COL7A1: variants seen among roughly 807,000 people sequenced by gnomAD.
COL7A1 encodes the protein collagen type VII alpha 1 chain, also known as collagen alpha-1(VII) chain.
COL7A1 carries 296 observed loss-of-function variants against 456.2 expected under a neutral mutation model. The observed-to-expected ratio is 0.65, with a 90% CI of 0.59 to 0.71. The LOEUF (loss-of-function observed/expected upper bound fraction) is 0.71. Among genes scored for constraint, COL7A1 ranks in the 30% least tolerant of loss-of-function variants. The pLI is 0.00. For missense variants in COL7A1, 3,441 were observed against 4,017.2 expected (o/e 0.86, Z 3.88); for synonymous variants, 1,464 against 1,525.9 (o/e 0.96, Z 0.95).
chr3:48,577,037 G>A lies in COL7A1; in HGVS notation c.5533-10C>T. 1 of 1,613,922 alleles carries A rather than the reference G, an allele frequency of 6.2e-7. No homozygotes were observed. The highest frequency in any genetic ancestry group is 1.3e-5 in the African/African-American group (1 of 75,064). On this transcript the variant is annotated splice_polypyrimidine_tract_variant and intron_variant, in intron 65 of 118. Coordinates refer to ENST00000681320, the MANE Select transcript of COL7A1 (RefSeq NM_000094.4). Reference sequence around the variant, plus strand: ...GGTCCCCAGGTTCTCCCTGTGGGCAGAGGACTCACATCAGCCCAAACATTC... The same window carrying A: ...GGTCCCCAGGTTCTCCCTGTGGGCAAAGGACTCACATCAGCCCAAACATTC...
chr3:48,586,271 TG>T lies in COL7A1; in HGVS notation c.3551-26del, dbSNP rs761128072. On this transcript the variant is annotated intron_variant, in intron 27 of 118. Coordinates refer to ENST00000681320, the MANE Select transcript of COL7A1 (RefSeq NM_000094.4). This position sits in a 1 kb window ranked among gnomAD's most constrained non-coding sequence, Gnocchi z 5.1. ...CCTAAGGTGGGGTCCAGTGGCTGCA[TG>T]ATAGCCTTTTCAGGGCCACCCCTAT... 19 of 1,613,616 alleles carry T rather than the reference TG, an allele frequency of 1.2e-5. No homozygotes were observed. Among genetic ancestry groups the T allele is most frequent in the Non-Finnish European group, 1.3e-5 (15 of 1,180,040 alleles).
chr3:48,592,333 C>G lies in COL7A1; in HGVS notation c.1093+18G>C. The G allele has an allele frequency of 6.2e-7, 1 of 1,613,464 alleles. No individual in the cohort carries two copies. The highest frequency in any genetic ancestry group is 8.5e-7 in the Non-Finnish European group (1 of 1,179,894). ...TCTGAGGCGCGGGGACTCCCCTCAG[C>G]CCACATCTCTCACTCACCACTGAGG... On this transcript the variant is annotated intron_variant, in intron 9 of 118. Coordinates refer to ENST00000681320, the MANE Select transcript of COL7A1 (RefSeq NM_000094.4). This position sits in a 1 kb window ranked among gnomAD's most constrained non-coding sequence, Gnocchi z 7.6.
In COL7A1 at chr3:48,576,428, C is replaced by T. The variant is rs772888814; in HGVS notation, c.5744G>A (p.Arg1915His). ...VPGGTGPKGD[R>H]GETGSKGEQG... is the part of the protein sequence containing the mutation. ...CTCCCCTTTGGATCCAGTCTCCCCA[C>T]GGTCACCCTGAAAACAAGAATGACC... The change falls in exon 70 of 119, where the codon CGT (arginine) becomes CAT (histidine). Residue 1915 changes from arginine (R) to histidine (H), a missense_variant. By Grantham distance (29) the Arg-to-His change is conservative. Coordinates refer to ENST00000681320, the MANE Select transcript of COL7A1 (RefSeq NM_000094.4). 2.2e-5 allele frequency: 35 copies of T among 1,613,650 alleles called. No individual in the cohort carries two copies. The highest frequency in any genetic ancestry group is 8.3e-5 in the Admixed American group (5 of 60,000).
Position 48,586,420 on chromosome 3 carries a change from GC to G in COL7A1, c.3461del (p.Arg1154ProfsTer7). 1 of 1,613,880 alleles carries G rather than the reference GC, an allele frequency of 6.2e-7. No individual in the cohort carries two copies. The highest frequency in any genetic ancestry group is 8.5e-7 in the Non-Finnish European group (1 of 1,180,042). On this transcript the variant is annotated frameshift_variant, in exon 27 of 119. Transcript: ENST00000681320. LOFTEE classifies it high-confidence loss of function. The surrounding 1 kb of genome is among the most constrained non-coding windows in gnomAD (Gnocchi z 5.1). ...GAACCATCACCCCTGGTACGTGCTG[GC>G]GGCGCCCAGGAGCATCTGGTGCCAA... ...YMLAPDAPGR[R>X]QHVPGVMVLL...
At position 48,580,228 on chromosome 3, in the gene COL7A1, G is replaced by A. The variant is rs377118540; in HGVS notation, c.5097+72C>T. 920 of 1,575,982 alleles carry A rather than the reference G, an allele frequency of 5.8e-4. 1 individual carries two copies. The highest frequency in any genetic ancestry group is 7.5e-4 in the Non-Finnish European group (867 of 1,155,176). ...CCACCTGGACCTCCAGACCCCTTGT[G>A]TGAAGGCACACTGGCAGCAGCGCCA... On this transcript the variant is annotated intron_variant, in intron 56 of 118. Transcript: ENST00000681320. This position sits in a 1 kb window ranked among gnomAD's most constrained non-coding sequence, Gnocchi z 4.5.
chr3:48,575,993 T>C lies in COL7A1; in HGVS notation c.5821-91A>G. 1 of 1,592,120 alleles carries C rather than the reference T, an allele frequency of 6.3e-7. No individual in the cohort carries two copies. Among genetic ancestry groups the C allele is most frequent in the South Asian group, 1.1e-5 (1 of 90,450 alleles). On this transcript the variant is annotated intron_variant, in intron 71 of 118. Transcript: ENST00000681320. The surrounding 1 kb of genome is among the most constrained non-coding windows in gnomAD (Gnocchi z 6.3). ...GCCTCAGGAAAGCACCTTCACACCC[T>C]TTTCCCTAGGCCTCTTGCCCAGAGC...
In COL7A1 at chr3:48,569,847, C is replaced by G. The variant is rs750493362; in HGVS notation, c.7521+33G>C. ...TATCATACAAGATCCACTCACCCCCCCACTCATGCCAGGACCTTCCCCACG... is the reference window on the plus strand; with the variant it reads ...TATCATACAAGATCCACTCACCCCCGCACTCATGCCAGGACCTTCCCCACG... On this transcript the variant is annotated intron_variant, in intron 100 of 118. Transcript: ENST00000681320. The surrounding 1 kb of genome is among the most constrained non-coding windows in gnomAD (Gnocchi z 4.9). The G allele has an allele frequency of 6.8e-6, 11 of 1,614,036 alleles. No individual in the cohort carries two copies. The highest frequency in any genetic ancestry group is 1.6e-4 in the Middle Eastern group (1 of 6,084).
Position 48,572,261 on chromosome 3 carries a change from G to A in COL7A1, c.6979-90C>T, listed in dbSNP as rs761871758. On this transcript the variant is annotated intron_variant, in intron 90 of 118. Coordinates refer to ENST00000681320, the MANE Select transcript of COL7A1 (RefSeq NM_000094.4). This position sits in a 1 kb window ranked among gnomAD's most constrained non-coding sequence, Gnocchi z 4.6. ...GCATGGGGCCAGAGCTTAAATATGCGGTCTACTATGAAAGCTGAGGGTCAT... is the reference window on the plus strand; with the variant it reads ...GCATGGGGCCAGAGCTTAAATATGCAGTCTACTATGAAAGCTGAGGGTCAT... The A allele has an allele frequency of 2.5e-5, 40 of 1,610,086 alleles. No individual in the cohort carries two copies. Among genetic ancestry groups the A allele is most frequent in the Middle Eastern group, 1.6e-4 (1 of 6,074 alleles).
chr3:48,565,994 C>T lies in COL7A1; in HGVS notation c.8407+273G>A, dbSNP rs2043588890. ...CCCTCCCACCGGGTCCAGGTCAGGCCCAAGGGGACCAGCTCTGCTCCCACC... is the reference window on the plus strand; with the variant it reads ...CCCTCCCACCGGGTCCAGGTCAGGCTCAAGGGGACCAGCTCTGCTCCCACC... On this transcript the variant is annotated intron_variant, in intron 114 of 118. Coordinates refer to ENST00000681320, the MANE Select transcript of COL7A1 (RefSeq NM_000094.4). This position sits in a 1 kb window ranked among gnomAD's most constrained non-coding sequence, Gnocchi z 4.5. 6.6e-6 allele frequency among the ~76,000 whole-genome samples: 1 copy of T among 152,098 alleles called. No homozygotes were observed. Among genetic ancestry groups the T allele is most frequent in the South Asian group, 2.1e-4 (1 of 4,830 alleles).
rs781276291 is a variant in COL7A1, at chr3:48,564,836, C to T, written c.8765G>A (p.Arg2922His). The T allele has an allele frequency of 7.4e-6, 12 of 1,614,096 alleles. No homozygotes were observed. The highest frequency in any genetic ancestry group is 1.3e-5 in the African/African-American group (1 of 75,038). Residue 2922 changes from arginine to histidine, a missense_variant, in exon 118 of 119, where the codon CGT becomes CAT. Arg to His is a conservative substitution (Grantham distance 29, BLOSUM62 0). Transcript: ENST00000681320. The surrounding 1 kb of genome is among the most constrained non-coding windows in gnomAD (Gnocchi z 6.0). ...CGGNANRFGTREACERRCPPR... is the reference protein window; with the variant it reads ...CGGNANRFGTHEACERRCPPR... The stretch of plus-strand genomic sequence containing the variant: ...TGGGCAGCGGCGCTCGCAGGCCTCA[C>T]GGGTCCCAAAACGGTTGGCATTCCC...
rs1055620812 is a variant in COL7A1, at chr3:48,579,029, C to T, written c.5389-75G>A. The T allele has an allele frequency of 4.4e-6, 7 of 1,597,386 alleles. No individual in the cohort carries two copies. The highest frequency in any genetic ancestry group is 6.0e-6 in the Non-Finnish European group (7 of 1,165,532). On this transcript the variant is annotated intron_variant, in intron 62 of 118. Transcript: ENST00000681320. This position sits in a 1 kb window ranked among gnomAD's most constrained non-coding sequence, Gnocchi z 4.4. ...CTAGTCCCTGTGAGCCTAAGGCCTG[C>T]ATGGCAAGAACATGCCCCACCCAGG...
At position 48,580,459 on chromosome 3, in the gene COL7A1, G is replaced by A. The variant is rs1282323123; in HGVS notation, c.5053-115C>T. The A allele has an allele frequency of 3.4e-6, 5 of 1,470,460 alleles. No individual in the cohort carries two copies. Among genetic ancestry groups the A allele is most frequent in the Admixed American group, 3.7e-5 (2 of 53,782 alleles). The allele number at this position is 1,470,460 out of a possible 1,614,324, so 91.1% of individuals were successfully genotyped here. A position where few individuals can be genotyped will look rare whatever the true frequency, so the allele number is the denominator to read the frequency against. On this transcript the variant is annotated intron_variant, in intron 55 of 118. Transcript: ENST00000681320. This position sits in a 1 kb window ranked among gnomAD's most constrained non-coding sequence, Gnocchi z 4.5. ...TAGCCTTCAGATGCGTGTGTGCAGG[G>A]GTCAAAGGAAGTGAAGATTGGGAGG...
rs1336306436 is a variant in COL7A1, at chr3:48,574,887, G to C, written c.6280-22C>G. The stretch of plus-strand genomic sequence containing the variant: ...ACACCTACAAACACAAGGTCACAGG[G>C]GAGAGATGTCTCTGTCATAGAGGCA... On this transcript the variant is annotated intron_variant, in intron 76 of 118. Transcript: ENST00000681320. The surrounding 1 kb of genome is among the most constrained non-coding windows in gnomAD (Gnocchi z 5.0). 1.2e-6 allele frequency: 2 copies of C among 1,613,462 alleles called. No homozygotes were observed. Among genetic ancestry groups the C allele is most frequent in the South Asian group, 1.1e-5 (1 of 91,040 alleles).
In COL7A1 at chr3:48,583,197, C is replaced by G. The variant is rs1052337794; in HGVS notation, c.4438-26G>C. ...CTGAAGAGAGAGGGTGAGAGAAAGACAGAGAGAGAGAGGGTTGGTGGCGGG... is the reference window on the plus strand; with the variant it reads ...CTGAAGAGAGAGGGTGAGAGAAAGAGAGAGAGAGAGAGGGTTGGTGGCGGG... On this transcript the variant is annotated intron_variant, in intron 42 of 118. Coordinates refer to ENST00000681320, the MANE Select transcript of COL7A1 (RefSeq NM_000094.4). The surrounding 1 kb of genome is among the most constrained non-coding windows in gnomAD (Gnocchi z 5.1). The G allele has an allele frequency of 1.6e-5, 26 of 1,611,952 alleles. No individual in the cohort carries two copies. The highest frequency in any genetic ancestry group is 2.2e-5 in the Non-Finnish European group (26 of 1,179,070).
Position 48,593,217 on chromosome 3 carries a change from C to T in COL7A1, c.567G>A (p.Gln189=). The change falls in exon 6 of 119, where the codon CAG becomes CAA. Residue 189 remains glutamine (Q), a synonymous_variant. Transcript: ENST00000681320. The surrounding 1 kb of genome is among the most constrained non-coding windows in gnomAD (Gnocchi z 4.4). ...CGAAGAAGAAGAAGTCACTGGTGGGCTGTGAGGCAACTCGCTTCAGCTCCT... is the reference window on the plus strand; with the variant it reads ...CGAAGAAGAAGAAGTCACTGGTGGGTTGTGAGGCAACTCGCTTCAGCTCCT... ...DPEELKRVAS[Q]PTSDFFFFVN... The T allele has an allele frequency of 6.2e-7, 1 of 1,614,112 alleles. No homozygotes were observed. The highest frequency in any genetic ancestry group is 8.5e-7 in the Non-Finnish European group (1 of 1,180,022).
chr3:48,580,656 A>G lies in COL7A1; in HGVS notation c.4981-4T>C, dbSNP rs779655358. On this transcript the variant is annotated splice_region_variant and splice_polypyrimidine_tract_variant and intron_variant, in intron 54 of 118. Coordinates refer to ENST00000681320, the MANE Select transcript of COL7A1 (RefSeq NM_000094.4). This position sits in a 1 kb window ranked among gnomAD's most constrained non-coding sequence, Gnocchi z 4.5. ...GCCCCCGAACTCCAGGTGCCCCCTA[A>G]GAAGAGCAGCTGGCCTGAGACAGAC... is the stretch of plus-strand genomic sequence containing the variant. The G allele has an allele frequency of 3.1e-6, 5 of 1,613,588 alleles. No individual in the cohort carries two copies. In the Admixed American group the frequency reaches 5.0e-5, roughly 16 times the overall value.
rs780019564 is a variant in COL7A1, at chr3:48,576,285, T to C, written c.5784A>G (p.Gly1928=). 1.2e-6 allele frequency: 2 copies of C among 1,613,794 alleles called. No individual in the cohort carries two copies. Among genetic ancestry groups the C allele is most frequent in the South Asian group, 2.2e-5 (2 of 91,080 alleles). ...CAGGCTCTCCTCGCAGGCCACGCTC[T>C]CCAGGGAGGCCCTGGAGAGATGAAG... The part of the protein sequence containing the change: ...TGSKGEQGLP[G]ERGLRGEPGS... Residue 1928 remains glycine, a synonymous_variant, in exon 71 of 119, where the codon GGA becomes GGG. Transcript: ENST00000681320.
chr3:48,581,239 C>T lies in COL7A1; in HGVS notation c.4899+21G>A, dbSNP rs2044735440. 2 of 1,612,792 alleles carry T rather than the reference C, an allele frequency of 1.2e-6. No individual in the cohort carries two copies. The highest frequency in any genetic ancestry group is 1.7e-6 in the Non-Finnish European group (2 of 1,179,588). ...CCCTACTCCCTTACCCGCCATGACT[C>T]CCCCGACTCCAGCCTCTTACATCTC... is the stretch of plus-strand genomic sequence containing the variant. On this transcript the variant is annotated intron_variant, in intron 52 of 118. Coordinates refer to ENST00000681320, the MANE Select transcript of COL7A1 (RefSeq NM_000094.4). This position sits in a 1 kb window ranked among gnomAD's most constrained non-coding sequence, Gnocchi z 5.8.
intron 18 of COL7A1, 136 bp from the exon 19 acceptor site, chr3:48,589,131 A>AG: frequency 6.6e-7 from 1 of 1,513,946 alleles, no homozygotes; most frequent in Non-Finnish European, 9.1e-7. Flanking sequence ...GAGGAGGAGG[A>AG]GGTCAGTGCC....
Sources: allele counts gnomAD v4.1 joint callset (sites outside exome capture counted in the v4.1 genomes callset), GRCh38; gene constraint gnomAD v4.1.1; non-coding constraint Gnocchi (gnomAD v3.1); transcripts MANE v1.5; gene names NCBI Gene and HGNC (gene_info 2026-07-23, HGNC 2026-07-21).